HMGA2: variants seen among roughly 807,000 people sequenced by gnomAD.
The protein encoded by HMGA2 is high mobility group AT-hook 2, also known as high mobility group protein HMGI-C.
Under a neutral mutation model 19.1 loss-of-function variants are expected in HMGA2, and 8 were observed. That is an observed-to-expected ratio of 0.42 (90% confidence interval 0.25 to 0.76). The LOEUF (loss-of-function observed/expected upper bound fraction) is 0.76, where lower values mean the gene tolerates loss of function less well. Among genes scored for constraint, HMGA2 ranks in the 30% least tolerant of loss-of-function variants. The probability of loss-of-function intolerance (pLI) is 0.28; values close to 1 mark genes in which losing one functional copy is unlikely to be tolerated. For missense variants in HMGA2, 109 were observed against 136.3 expected, an observed-to-expected ratio of 0.80 and a Z score of 1.00; for synonymous variants, 60 against 48.8, an observed-to-expected ratio of 1.23 and a Z score of -0.96.
At chr12:65,902,787 T>C (rs1874427300) in intron 3 of HMGA2, among the ~76,000 whole-genome samples, 1 of 152,214 alleles carries the variant, frequency 6.6e-6, no homozygotes, top group South Asian at 2.1e-4. Context: ...TTTGACCTGC[T>C]GATACTACAG....
intron 3 of HMGA2, chr12:65,843,326 G>A: frequency 4.7e-6 from 1 of 211,688 alleles, no homozygotes; most frequent in Non-Finnish European, 9.6e-6. Flanking sequence ...CTTTTGAAGG[G>A]GGGCAGTTGT....
chr12:65,962,476 C>T (rs1427600869), intron 4 of HMGA2, among the ~76,000 whole-genome samples: 2 of 152,156 alleles, frequency 1.3e-5, no homozygotes, highest in East Asian at 3.8e-4. Context: ...TTGGTCGATG[C>T]GGATTAGTAT....
intron 3 of HMGA2, among the ~76,000 whole-genome samples, chr12:65,898,415 A>G (rs1427831235): frequency 6.6e-6 from 1 of 152,098 alleles, no homozygotes; most frequent in African/African-American, 2.4e-5. Flanking sequence ...TGAAAGGTGG[A>G]GCTTCCCAGC....
At chr12:65,874,507 G>A (rs1206096307) in intron 3 of HMGA2, among the ~76,000 whole-genome samples, 2 of 152,122 alleles carry the variant, frequency 1.3e-5, no homozygotes, top group Non-Finnish European at 2.9e-5. Context: ...AAGATGTGGT[G>A]CCCTTTAGAA....
intron 3 of HMGA2, chr12:65,867,680 C>A: frequency 3.9e-6 from 1 of 259,162 alleles, no homozygotes; most frequent in South Asian, 4.3e-5. Flanking sequence ...AGCTATTAGT[C>A]AGAGCCGTAA....
chr12:65,878,681 T>G (rs1873190866), intron 3 of HMGA2, among the ~76,000 whole-genome samples: 2 of 152,316 alleles, frequency 1.3e-5, no homozygotes, highest in South Asian at 4.1e-4. Context: ...TCTACTCTGG[T>G]TTCCAGAATT....
At position 65,825,509 on chromosome 12, in the gene HMGA2, C is replaced by A; in HGVS notation, c.111+128C>A. ...CCGTCGCACACTGCCCGCCGGCCGG[C>A]CGGGGGGAGCGGCGCAGACCCCACG... On this transcript the variant is annotated intron_variant, in intron 1 of 4. Coordinates refer to ENST00000403681, the MANE Select transcript of HMGA2 (RefSeq NM_003483.6). This position sits in a 1 kb window ranked among gnomAD's most constrained non-coding sequence, Gnocchi z 4.4. The A allele has an allele frequency of 2.2e-6, 1 of 455,322 alleles. No homozygotes were observed. Among genetic ancestry groups the A allele is most frequent in the Non-Finnish European group, 3.3e-6 (1 of 302,510 alleles). The allele number at this position is 455,322 out of a possible 1,614,324, so 28.2% of individuals were successfully genotyped here.
rs545366774 is a variant in HMGA2 at position 65,852,098 on chromosome 12, A to AAATTTGTACAAAGTACAATTTGTGCAAAT, written c.249+13542_249+13570dup. On this transcript the variant is annotated intron_variant, in intron 3 of 4. Transcript: ENST00000403681. ...TTTGAAAGTAATTTGTACTTTGTAC[A>AAATTTGTACAAAGTACAATTTGTGCAAAT]AATTTGTACAAAGTACAATTTGTGC... 7.3e-3 allele frequency among the ~76,000 whole-genome samples: 1,106 copies of AAATTTGTACAAAGTACAATTTGTGCAAAT among 152,046 alleles called. 4 individuals carry two copies. The highest frequency in any genetic ancestry group is 0.011 in the Admixed American group (172 of 15,266).
intron 3 of HMGA2, among the ~76,000 whole-genome samples, chr12:65,849,731 T>G (rs1871373577): frequency 6.9e-6 from 1 of 144,920 alleles, no homozygotes; most frequent in South Asian, 2.2e-4. Flanking sequence ...AATGGTAGGC[T>G]CTGTATTTTT....
intron 3 of HMGA2, among the ~76,000 whole-genome samples, chr12:65,839,491 T>A (rs1190014586): frequency 6.6e-6 from 1 of 152,136 alleles, no homozygotes; most frequent in Non-Finnish European, 1.5e-5. Context: ...TTTTCTGTTA[T>A]GCTGGATTAT....
chr12:65,922,248 C>T (rs112952571), intron 3 of HMGA2, among the ~76,000 whole-genome samples: 3 of 152,310 alleles, frequency 2.0e-5, no homozygotes, highest in African/African-American at 7.2e-5. Flanking sequence ...AAGCCACAGA[C>T]ACTCAACACC....
At chr12:65,919,851 A>C (rs1875240084) in intron 3 of HMGA2, among the ~76,000 whole-genome samples, 1 of 152,218 alleles carries the variant, frequency 6.6e-6, no homozygotes, top group African/African-American at 2.4e-5. Context: ...CTTTTCCTCA[A>C]TCCACAAAGG....
intron 3 of HMGA2, among the ~76,000 whole-genome samples, chr12:65,910,807 A>G (rs2121209302): frequency 6.6e-6 from 1 of 152,220 alleles, no homozygotes; most frequent in Admixed American, 6.5e-5. Flanking sequence ...TGTCCTTTTG[A>G]CTTATAAAAA....
chr12:65,916,313 G>C (rs1393588675), intron 3 of HMGA2, among the ~76,000 whole-genome samples: 2 of 152,210 alleles, frequency 1.3e-5, no homozygotes, highest in Non-Finnish European at 2.9e-5. Context: ...TGAAGATTAA[G>C]AAGTGGAAAA....
intron 3 of HMGA2, among the ~76,000 whole-genome samples, chr12:65,866,235 T>A (rs1345622336): frequency 6.6e-6 from 1 of 152,110 alleles, no homozygotes; most frequent in Non-Finnish European, 1.5e-5. Flanking sequence ...AAACTTAAGG[T>A]CCCTAGTCTT....
At chr12:65,882,592 C>G (rs182818948) in intron 3 of HMGA2, among the ~76,000 whole-genome samples, 1 of 152,188 alleles carries the variant, frequency 6.6e-6, no homozygotes, top group East Asian at 1.9e-4. Context: ...TCGCTCAGCT[C>G]TTAATAGTGT....
chr12:65,843,698 A>AC, intron 3 of HMGA2, among the ~76,000 whole-genome samples: 1 of 146,506 alleles, frequency 6.8e-6, no homozygotes, highest in Non-Finnish European at 1.5e-5. Flanking sequence ...ACACACACAC[A>AC]AGCACACACA....
chr12:65,920,500 T>C (rs768307307), intron 3 of HMGA2, among the ~76,000 whole-genome samples: 20 of 152,300 alleles, frequency 1.3e-4, no homozygotes, highest in Middle Eastern at 3.4e-3. Flanking sequence ...CCCACCCAAA[T>C]GTCAACTCGA....
chr12:65,887,640 T>C (rs1281758558), intron 3 of HMGA2, among the ~76,000 whole-genome samples: 2 of 152,078 alleles, frequency 1.3e-5, no homozygotes, highest in African/African-American at 4.8e-5. Flanking sequence ...GGAGAATCAC[T>C]TGAACCCAGG....
Sources: gnomAD v4.1 joint callset for allele counts (sites outside exome capture counted in the v4.1 genomes callset) on GRCh38, gnomAD v4.1.1 for gene constraint, Gnocchi (gnomAD v3.1) non-coding constraint, MANE v1.5 for transcripts, NCBI Gene and HGNC (gene_info 2026-07-23, HGNC 2026-07-21) for gene names.